ASXL3: variants seen among roughly 807,000 people sequenced by gnomAD.
ASXL3 encodes the protein ASXL transcriptional regulator 3.
Under a neutral mutation model 170.6 loss-of-function variants are expected in ASXL3, and 34 were observed. The observed-to-expected ratio is 0.20, with a 90% CI of 0.15 to 0.27. The LOEUF is 0.27. ASXL3 is among the 10% of genes least tolerant of loss of function. The pLI is 1.00. For missense variants in ASXL3, 2,592 were observed against 2,695.3 expected (o/e 0.96, Z 0.85); for synonymous variants, 1,002 against 989.1 (o/e 1.01, Z -0.24).
intron 4 of ASXL3, among the ~76,000 whole-genome samples, chr18:33,650,889 G>A (rs969244757): frequency 6.6e-6 from 1 of 152,082 alleles, no homozygotes; most frequent in Non-Finnish European, 1.5e-5. Context: ...GTGCTTCTAT[G>A]TATAGCTTAT....
Position 33,746,051 on chromosome 18 carries a change from G to C in ASXL3, c.6203G>C (p.Ser2068Thr). The C allele has an allele frequency of 6.2e-7, 1 of 1,612,746 alleles. No homozygotes were observed. The highest frequency in any genetic ancestry group is 2.2e-5 in the East Asian group (1 of 44,842). Residue 2068 changes from serine to threonine, a missense_variant, in exon 12 of 12, where the codon AGT becomes ACT. This residue lies in a region of ASXL3 where 2,246 missense variants were observed against 2,219.6 expected (regional missense o/e 1.01). Coordinates refer to ENST00000269197, the MANE Select transcript of ASXL3 (RefSeq NM_030632.3). ...ACCATGGAAACCACTAAGAGACTTA[G>C]TTGGCCACAGTCCACGGGCATATGT... ...PVTMETTKRL[S>T]WPQSTGICSN... is the part of the protein sequence containing the mutation.
At chr18:33,722,498 A>G (rs2067279693) in intron 8 of ASXL3, among the ~76,000 whole-genome samples, 1 of 152,180 alleles carries the variant, frequency 6.6e-6, no homozygotes, top group South Asian at 2.1e-4. Context: ...CCTTTAAGCC[A>G]GAGCCTACTA....
chr18:33,735,582 G>A (rs932368519), intron 10 of ASXL3, among the ~76,000 whole-genome samples: 1 of 152,172 alleles, frequency 6.6e-6, no homozygotes, highest in Non-Finnish European at 1.5e-5. Context: ...GAGCCCAGGA[G>A]TCTGTGTTTT....
At chr18:33,618,370 GT>G (rs2065460995) in intron 2 of ASXL3, among the ~76,000 whole-genome samples, 1 of 152,050 alleles carries the variant, frequency 6.6e-6, no homozygotes, top group African/African-American at 2.4e-5. Context: ...TAGTCTGCTA[GT>G]AATCATCTCC....
At chr18:33,670,829 C>T (rs2145254343) in intron 6 of ASXL3, 39 bp downstream of exon 6, 2 of 1,329,088 alleles carry the variant, frequency 1.5e-6, no homozygotes, top group South Asian at 3.0e-5. Context: ...CCAGTTTCTT[C>T]CTGGAGGAGA....
chr18:33,644,192 C>G (rs1233357345), intron 2 of ASXL3, among the ~76,000 whole-genome samples: 4 of 151,840 alleles, frequency 2.6e-5, no homozygotes, highest in Non-Finnish European at 5.9e-5. Flanking sequence ...AAAAAGTGAT[C>G]TGATATTCCA....
intron 8 of ASXL3, among the ~76,000 whole-genome samples, chr18:33,724,523 C>T (rs540367256): frequency 6.6e-6 from 1 of 152,124 alleles, no homozygotes; most frequent in South Asian, 2.1e-4. Context: ...GATACTTTTA[C>T]AACTCTTAAT....
chr18:33,604,950 A>G (rs767319081), intron 1 of ASXL3, among the ~76,000 whole-genome samples: 3 of 152,050 alleles, frequency 2.0e-5, no homozygotes, highest in Non-Finnish European at 4.4e-5. Flanking sequence ...TAAATTCGAG[A>G]TGAATTAAAA....
At chr18:33,671,507 C>CAT (rs1322844233) in intron 6 of ASXL3, among the ~76,000 whole-genome samples, 1 of 152,158 alleles carries the variant, frequency 6.6e-6, no homozygotes, top group African/African-American at 2.4e-5. Context: ...TAAAAGCTAT[C>CAT]AGATCAATGA....
chr18:33,717,381 G>A (rs1599536533), intron 8 of ASXL3, among the ~76,000 whole-genome samples: 1 of 152,194 alleles, frequency 6.6e-6, no homozygotes, highest in East Asian at 1.9e-4. Flanking sequence ...TAAGCACTTA[G>A]TATTATTATA....
At chr18:33,597,163 T>C (rs1427027389) in intron 1 of ASXL3, among the ~76,000 whole-genome samples, 1 of 152,144 alleles carries the variant, frequency 6.6e-6, no homozygotes, top group African/African-American at 2.4e-5. Flanking sequence ...ACTTATATAA[T>C]ACATGCATAA....
chr18:33,681,513 T>C (rs2066514635), intron 7 of ASXL3, among the ~76,000 whole-genome samples: 1 of 152,076 alleles, frequency 6.6e-6, no homozygotes, highest in African/African-American at 2.4e-5. Flanking sequence ...GATGTCACTG[T>C]CTTTATTGAT....
chr18:33,614,268 G>A (rs951181913), intron 2 of ASXL3: 6 of 152,214 alleles, frequency 3.9e-5, no homozygotes, highest in African/African-American at 1.2e-4. Flanking sequence ...TTTCAACAAT[G>A]TTCACAGTAT....
chr18:33,722,240 T>A (rs2067274611), intron 8 of ASXL3, among the ~76,000 whole-genome samples: 1 of 152,110 alleles, frequency 6.6e-6, no homozygotes, highest in South Asian at 2.1e-4. Flanking sequence ...GTCTCACTTT[T>A]CAATCAAAAA....
intron 1 of ASXL3, among the ~76,000 whole-genome samples, chr18:33,599,275 C>T (rs2145110217): frequency 6.6e-6 from 1 of 152,224 alleles, no homozygotes; most frequent in East Asian, 1.9e-4. Flanking sequence ...AGCTAAATTT[C>T]AGCCAGTCAT....
intron 8 of ASXL3, among the ~76,000 whole-genome samples, chr18:33,722,231 T>G (rs1333979005): frequency 1.3e-5 from 2 of 152,032 alleles, no homozygotes; most frequent in African/African-American, 2.4e-5. Context: ...GTTGCATAAG[T>G]CTCACTTTTC....
intron 8 of ASXL3, among the ~76,000 whole-genome samples, chr18:33,686,814 T>G (rs983908419): frequency 1.3e-5 from 2 of 152,162 alleles, no homozygotes; most frequent in African/African-American, 4.8e-5. Flanking sequence ...TTTAAACACA[T>G]GTTTTCGTGC....
chr18:33,607,522 G>A, intron 1 of ASXL3, 72 bp from the exon 2 acceptor site: 1 of 1,211,114 alleles, frequency 8.3e-7, no homozygotes, highest in Non-Finnish European at 1.2e-6. Context: ...AGCAGAGAAT[G>A]CATGATTCAC....
At chr18:33,641,993 A>C (rs2065853326) in intron 2 of ASXL3, among the ~76,000 whole-genome samples, 1 of 152,038 alleles carries the variant, frequency 6.6e-6, no homozygotes, top group Non-Finnish European at 1.5e-5. Flanking sequence ...AAAAATAAGA[A>C]CCATTACATA....
Sources: gnomAD v4.1 joint callset for allele counts (sites outside exome capture counted in the v4.1 genomes callset) on GRCh38, gnomAD v4.1.1 for gene constraint, gnomAD v4.1.1 regional missense constraint, MANE v1.5 for transcripts, NCBI Gene and HGNC (gene_info 2026-07-23, HGNC 2026-07-21) for gene names.